Variants in TXNDC11 observed in about 807,000 individuals in gnomAD.
TXNDC11 encodes the protein thioredoxin domain containing 11.
Under a neutral mutation model 78.0 loss-of-function variants are expected in TXNDC11, and 68 were observed. That is an observed-to-expected ratio of 0.87 (90% confidence interval 0.72 to 1.07). The LOEUF (loss-of-function observed/expected upper bound fraction) is 1.07. TXNDC11 is among the 50% of genes least tolerant of loss of function. TXNDC11 has a pLI of 0.00. For missense variants in TXNDC11, 1,389 were observed against 1,221.8 expected (o/e 1.14, Z -2.04); for synonymous variants, 571 against 495.2 (o/e 1.15, Z -2.03).
intron 11 of TXNDC11, 121 bp downstream of exon 11, chr16:11,684,044 C>G (rs1358396353): frequency 3.0e-6 from 2 of 675,846 alleles, no homozygotes; most frequent in African/African-American, 1.8e-5. Context: ...AGCCACCACG[C>G]CTGGTTCCTA....
chr16:11,722,374 T>C (rs952615553), intron 4 of TXNDC11, among the ~76,000 whole-genome samples: 4 of 152,230 alleles, frequency 2.6e-5, no homozygotes, highest in African/African-American at 9.6e-5. Context: ...CCAAACCAAT[T>C]AACTGTCCCC....
intron 3 of TXNDC11, among the ~76,000 whole-genome samples, chr16:11,733,750 CT>C (rs545807639): frequency 2.1e-4 from 32 of 152,236 alleles, no homozygotes; most frequent in Non-Finnish European, 3.8e-4. Context: ...TGAAAAGATG[CT>C]CAAAAAAGTG....
rs1338580804 is a variant in TXNDC11, at chr16:11,679,557, G to C, written c.2515C>G (p.Arg839Gly). The C allele has an allele frequency of 2.5e-6, 4 of 1,613,642 alleles. No homozygotes were observed. The Admixed American group carries it at 6.7e-5, about 27-fold the overall frequency. Residue 839 changes from arginine to glycine, a missense_variant, in exon 12 of 12, where the codon CGG (arginine) becomes GGG (glycine). Arg to Gly is a moderately radical substitution (Grantham distance 125). Coordinates refer to ENST00000283033, the MANE Select transcript of TXNDC11 (RefSeq NM_015914.7). The surrounding 1 kb of genome is among the most constrained non-coding windows in gnomAD (Gnocchi z 4.6). The part of the protein sequence containing the change: ...SSARRDEHRL[R>G]QQQRALEEQH... Reference sequence around the variant, plus strand: ...TCTTCCAGGGCCCGCTGCTGCTGCCGCAGCCGGTGCTCATCTCTGCGGGCA... The same window carrying C: ...TCTTCCAGGGCCCGCTGCTGCTGCCCCAGCCGGTGCTCATCTCTGCGGGCA...
At chr16:11,738,875 A>G (rs187862443) in intron 1 of TXNDC11, among the ~76,000 whole-genome samples, 245 of 152,190 alleles carry the variant, frequency 1.6e-3, no homozygotes, top group African/African-American at 5.6e-3. Flanking sequence ...TAAAAATACA[A>G]AATTAGCTGG....
intron 5 of TXNDC11, among the ~76,000 whole-genome samples, chr16:11,709,423 ATTTTTTTTTTTT>A (rs149701958): frequency 0.011 from 618 of 55,582 alleles, 16 homozygotes; most frequent in African/African-American, 0.046. Context: ...AATTTTTTGT[ATTTTTTTTTTTT>A]TTTTTTTTTT....
intron 1 of TXNDC11, among the ~76,000 whole-genome samples, chr16:11,738,666 A>C (rs2052299629): frequency 6.6e-6 from 1 of 151,982 alleles, no homozygotes; most frequent in Non-Finnish European, 1.5e-5. Flanking sequence ...TACAGGAAAA[A>C]AAAAAAAAAG....
intron 5 of TXNDC11, among the ~76,000 whole-genome samples, chr16:11,702,904 A>C (rs2051073681): frequency 6.6e-6 from 1 of 152,072 alleles, no homozygotes; most frequent in Non-Finnish European, 1.5e-5. Flanking sequence ...AGAGTCAATA[A>C]TTTTTCATAC....
At position 11,742,369 on chromosome 16, in the gene TXNDC11, T is replaced by C. The variant is rs1184970134; in HGVS notation, c.254+108A>G. Reference sequence around the variant, plus strand: ...GAGGGGTCAGCCGTCCTGGGCAAGGTCAGGCCCGACTTCCCCGGCTGAGGC... The same window carrying C: ...GAGGGGTCAGCCGTCCTGGGCAAGGCCAGGCCCGACTTCCCCGGCTGAGGC... On this transcript the variant is annotated intron_variant, in intron 1 of 11. Transcript: ENST00000283033. 5 of 929,198 alleles carry C rather than the reference T, an allele frequency of 5.4e-6. No individual in the cohort carries two copies. In the Admixed American group the frequency reaches 1.3e-4, roughly 24 times the overall value. 57.6% of individuals were successfully genotyped at this position (929,198 alleles called of 1,614,324 possible).
At chr16:11,742,138 C>T (rs1480686361) in intron 1 of TXNDC11, 2 of 305,418 alleles carry the variant, frequency 6.5e-6, no homozygotes, top group Admixed American at 1.0e-4. Context: ...GGAATGAAAT[C>T]GGTGAGAAAT....
At chr16:11,704,803 C>A (rs548684399) in intron 5 of TXNDC11, among the ~76,000 whole-genome samples, 1 of 152,282 alleles carries the variant, frequency 6.6e-6, no homozygotes, top group South Asian at 2.1e-4. Context: ...GATATGGGAT[C>A]CCAGACTGGA....
rs140825229 is a variant in TXNDC11 at position 11,721,650 on chromosome 16, A to G, written c.720T>C (p.Phe240=). 25 of 1,611,690 alleles carry G rather than the reference A, an allele frequency of 1.6e-5. No homozygotes were observed. Among genetic ancestry groups the G allele is most frequent in the Non-Finnish European group, 2.0e-5 (23 of 1,178,414 alleles). The part of the protein sequence containing the change: ...SNYEPGVLGY[F]EFSGSPQPPG... Reference sequence around the variant, plus strand: ...GAGGCTGGGGTGAGCCACTGAACTCAAAGTACCCGAGTACTCCAGGCTGCA... The same window carrying G: ...GAGGCTGGGGTGAGCCACTGAACTCGAAGTACCCGAGTACTCCAGGCTGCA... The change falls in exon 5 of 12, where the codon TTT becomes TTC. Residue 240 remains phenylalanine (F), a synonymous_variant. Coordinates refer to ENST00000283033, the MANE Select transcript of TXNDC11 (RefSeq NM_015914.7).
intron 5 of TXNDC11, among the ~76,000 whole-genome samples, chr16:11,712,368 C>T (rs923517128): frequency 1.6e-4 from 25 of 152,066 alleles, no homozygotes; most frequent in African/African-American, 5.8e-4. Flanking sequence ...CAGGCTAAGC[C>T]TCCCACCCCC....
At chr16:11,741,312 C>T (rs2052383687) in intron 1 of TXNDC11, among the ~76,000 whole-genome samples, 1 of 152,092 alleles carries the variant, frequency 6.6e-6, no homozygotes, top group Non-Finnish European at 1.5e-5. Context: ...CCCAAAAGAC[C>T]CACTGTGGAT....
At chr16:11,714,255 C>T (rs2051457077) in intron 5 of TXNDC11, among the ~76,000 whole-genome samples, 1 of 152,172 alleles carries the variant, frequency 6.6e-6, no homozygotes, top group African/African-American at 2.4e-5. Flanking sequence ...AACTCCTGAG[C>T]TCAAGAGATC....
chr16:11,731,340 G>C (rs920498585), intron 3 of TXNDC11, among the ~76,000 whole-genome samples: 3 of 152,182 alleles, frequency 2.0e-5, no homozygotes, highest in Non-Finnish European at 4.4e-5. Context: ...TGAAGTCAGT[G>C]ACCTGTTTAA....
chr16:11,725,329 C>T (rs2051843439), intron 4 of TXNDC11, among the ~76,000 whole-genome samples: 1 of 150,012 alleles, frequency 6.7e-6, no homozygotes, highest in African/African-American at 2.5e-5. Flanking sequence ...CATCCTTCAT[C>T]CATATTTATT....
chr16:11,679,932 A>C lies in TXNDC11; in HGVS notation c.2235-95T>G. 169 of 1,103,470 alleles carry C rather than the reference A, an allele frequency of 1.5e-4. No individual in the cohort carries two copies. The highest frequency in any genetic ancestry group is 2.1e-4 in the Non-Finnish European group (158 of 764,854). 68.4% of individuals were successfully genotyped at this position (1,103,470 alleles called of 1,614,324 possible). A position where few individuals can be genotyped will look rare whatever the true frequency, so the allele number is the denominator to read the frequency against. On this transcript the variant is annotated intron_variant, in intron 11 of 11. Transcript: ENST00000283033. This position sits in a 1 kb window ranked among gnomAD's most constrained non-coding sequence, Gnocchi z 4.6. ...CCTGAGGCCAGGCCATCTACTTCTC[A>C]CCAAGAAAAGACGTTCCGTGGATTT...
chr16:11,709,692 C>T (rs1449857013), intron 5 of TXNDC11, among the ~76,000 whole-genome samples: 1 of 151,952 alleles, frequency 6.6e-6, no homozygotes, highest in Non-Finnish European at 1.5e-5. Flanking sequence ...GCCTCGGCCT[C>T]CCAAAGTGCT....
rs934397682 is a variant in TXNDC11, at chr16:11,742,846, C to T, written c.-116G>A. 1 of 1,321,864 alleles carries T rather than the reference C, an allele frequency of 7.6e-7. No individual in the cohort carries two copies. The allele number at this position is 1,321,864 out of a possible 1,614,324, so 81.9% of individuals were successfully genotyped here. A position where few individuals can be genotyped will look rare whatever the true frequency, so the allele number is the denominator to read the frequency against. On this transcript the variant is annotated 5_prime_UTR_variant, in exon 1 of 12. Transcript: ENST00000283033. ...GCCGCACCCGCTAACCCGGACGCTC[C>T]ACGTCAGCCGCGCCGCCGCCGCGGG...
Sources: allele counts gnomAD v4.1 joint callset (sites outside exome capture counted in the v4.1 genomes callset), GRCh38; gene constraint gnomAD v4.1.1; non-coding constraint Gnocchi (gnomAD v3.1); transcripts MANE v1.5; gene names NCBI Gene and HGNC (gene_info 2026-07-23, HGNC 2026-07-21).